Variants in PGM1 observed in about 807,000 individuals in gnomAD.
The protein encoded by PGM1 is phosphoglucomutase-1.
In PGM1, 52 loss-of-function variants were observed where a neutral mutation model predicts 55.6. The ratio of observed to expected loss-of-function variants is 0.94; its 90% CI spans 0.75 to 1.18. The LOEUF (loss-of-function observed/expected upper bound fraction) is 1.18. Ranked by LOEUF, PGM1 falls within the 50% of genes most tolerant of loss-of-function variation. PGM1 has a pLI of 0.00. For missense variants in PGM1, 724 were observed against 729.3 expected, an observed-to-expected ratio of 0.99 and a Z score of 0.08; for synonymous variants, 287 against 271.7, an observed-to-expected ratio of 1.06 and a Z score of -0.55.
intron 1 of PGM1, among the ~76,000 whole-genome samples, chr1:63,609,384 C>G (rs1054264695): frequency 1.3e-5 from 2 of 152,158 alleles, no homozygotes; most frequent in South Asian, 2.1e-4. Flanking sequence ...ACAAGCATTG[C>G]GGAACACTTT....
intron 3 of PGM1, 139 bp from the exon 4 acceptor site, chr1:63,631,518 C>T: frequency 1.3e-6 from 1 of 775,144 alleles, no homozygotes; most frequent in Non-Finnish European, 2.3e-6. Flanking sequence ...TATCACTTAA[C>T]AGCCGTATTA....
rs567025217 is a variant in PGM1 at position 63,639,527 on chromosome 1, T to G, written c.1144+727T>G. Among the ~76,000 whole-genome samples, 9 of 152,082 alleles carry G rather than the reference T, an allele frequency of 5.9e-5. 1 individual carries two copies. The East Asian group carries it at 1.8e-3, about 30-fold the overall frequency. On this transcript the variant is annotated intron_variant, in intron 7 of 10. Coordinates refer to ENST00000371084, the MANE Select transcript of PGM1 (RefSeq NM_002633.3). ...CTACCTCATGCTGCCTGTATCAGTC[T>G]CTCTTTCCTAAAAGTCTGTTCAGGT...
At chr1:63,604,959 G>GTGTGTGTGTT (rs58900430) in intron 1 of PGM1, among the ~76,000 whole-genome samples, 9,167 of 134,112 alleles carry the variant, frequency 0.068, 397 homozygotes, top group East Asian at 0.17. Flanking sequence ...GTGTGTGTGT[G>GTGTGTGTGTT]TAAAGAGAGG....
intron 1 of PGM1, among the ~76,000 whole-genome samples, chr1:63,600,508 C>G (rs747211577): frequency 5.0e-4 from 76 of 152,088 alleles, no homozygotes; most frequent in Non-Finnish European, 9.4e-4. Context: ...AGTTTCTGCT[C>G]TACAGAGCTG....
chr1:63,626,860 C>A (rs1365157235), intron 1 of PGM1, among the ~76,000 whole-genome samples: 1 of 152,066 alleles, frequency 6.6e-6, no homozygotes, highest in African/African-American at 2.4e-5. Flanking sequence ...GTCCATTGAA[C>A]AACTCCCCAT....
intron 10 of PGM1, among the ~76,000 whole-genome samples, chr1:63,658,645 G>A (rs1323127827): frequency 6.6e-6 from 1 of 151,802 alleles, no homozygotes; most frequent in African/African-American, 2.4e-5. Flanking sequence ...CCAGTCACTA[G>A]AGAGGCTGAG....
intron 1 of PGM1, among the ~76,000 whole-genome samples, chr1:63,614,740 AG>A (rs1022053431): frequency 2.6e-4 from 38 of 147,706 alleles, no homozygotes; most frequent in African/African-American, 1.0e-3. Context: ...GACCTCGGAC[AG>A]ATGACATAAT....
intron 1 of PGM1, among the ~76,000 whole-genome samples, chr1:63,603,183 A>C (rs1648290777): frequency 6.6e-6 from 1 of 152,238 alleles, no homozygotes; most frequent in South Asian, 2.1e-4. Flanking sequence ...TGCCACATGC[A>C]TGGCCTTATT....
chr1:63,633,928 ATATATTTTTT>A lies in PGM1; in HGVS notation c.683-899_683-890del, dbSNP rs1557433740. The stretch of plus-strand genomic sequence containing the variant: ...TGTGTGTGTGTGTGTGTATATATAT[ATATATTTTTT>A]TTTTTTTTTTTTTTTTTTTTTTTAG... On this transcript the variant is annotated intron_variant, in intron 4 of 10. Coordinates refer to ENST00000371084, the MANE Select transcript of PGM1 (RefSeq NM_002633.3). 1.1e-3 allele frequency among the ~76,000 whole-genome samples: 70 copies of A among 64,376 alleles called. 2 individuals are homozygous for A. Among genetic ancestry groups the A allele is most frequent in the Middle Eastern group, 0.011 (1 of 94 alleles). 42.2% of individuals were successfully genotyped at this position (64,376 alleles called of 152,430 possible). A position where few individuals can be genotyped will look rare whatever the true frequency, so the allele number is the denominator to read the frequency against.
chr1:63,618,356 GATAAAATTCTTCTC>G (rs913834577), intron 1 of PGM1, among the ~76,000 whole-genome samples: 36 of 152,208 alleles, frequency 2.4e-4, no homozygotes, highest in Non-Finnish European at 3.8e-4. Context: ...TTATAATTTT[GATAAAATTCTTCTC>G]ATAAAATTCT....
intron 1 of PGM1, among the ~76,000 whole-genome samples, chr1:63,616,753 T>A (rs1420317584): frequency 6.6e-6 from 1 of 152,242 alleles, no homozygotes; most frequent in Non-Finnish European, 1.5e-5. Context: ...GGAGTCTCTG[T>A]GAACATGGGA....
intron 1 of PGM1, among the ~76,000 whole-genome samples, chr1:63,625,535 T>C (rs966468666): frequency 6.6e-6 from 1 of 152,222 alleles, no homozygotes; most frequent in African/African-American, 2.4e-5. Context: ...AAATTCTGAC[T>C]GTTTTAACAT....
rs1260666610 is a variant in PGM1 at position 63,647,008 on chromosome 1, C to T, written c.1145-1509C>T. ...CTGTAATCCTAGCACTTTGGGAGGCCGAGGCGGATGGATCACCTGAGGTCA... is the reference window on the plus strand; with the variant it reads ...CTGTAATCCTAGCACTTTGGGAGGCTGAGGCGGATGGATCACCTGAGGTCA... On this transcript the variant is annotated intron_variant, in intron 7 of 10. Transcript: ENST00000371084. Among the ~76,000 whole-genome samples, 11 of 151,604 alleles carry T rather than the reference C, an allele frequency of 7.3e-5. No individual in the cohort carries two copies. In the East Asian group the frequency reaches 7.8e-4, roughly 11 times the overall value.
In PGM1 at chr1:63,594,263, C is replaced by T. The variant is rs766196666; in HGVS notation, c.246+529C>T. The T allele has an allele frequency of 1.9e-5, 7 of 377,760 alleles. 1 individual carries two copies. The highest frequency in any genetic ancestry group is 1.8e-5 in the Non-Finnish European group (5 of 277,128). 23.4% of individuals were successfully genotyped at this position (377,760 alleles called of 1,614,324 possible). A position where few individuals can be genotyped will look rare whatever the true frequency, so the allele number is the denominator to read the frequency against. On this transcript the variant is annotated intron_variant, in intron 1 of 10. Transcript: ENST00000371084. ...GCCCGACACTGTGGGGCAAGGGTGG[C>T]GAGAGCACCCATCCCCCTGGGGCGT...
At chr1:63,639,085 C>T (rs564293529) in intron 7 of PGM1, among the ~76,000 whole-genome samples, 6 of 152,128 alleles carry the variant, frequency 3.9e-5, no homozygotes, top group East Asian at 1.9e-4. Flanking sequence ...TTAAACAGAG[C>T]GATAAACAGA....
intron 3 of PGM1, among the ~76,000 whole-genome samples, chr1:63,630,840 A>G (rs562716813): frequency 6.6e-6 from 1 of 152,324 alleles, no homozygotes; most frequent in Admixed American, 6.5e-5. Context: ...ACTTTATGGA[A>G]TGCATTTTAT....
At chr1:63,630,451 A>T (rs1022350337) in intron 3 of PGM1, among the ~76,000 whole-genome samples, 2 of 152,200 alleles carry the variant, frequency 1.3e-5, no homozygotes, top group Non-Finnish European at 2.9e-5. Context: ...CTCACAGTAG[A>T]TCTGTCAGGG....
intron 6 of PGM1, 139 bp from the exon 7 acceptor site, chr1:63,638,546 A>G: frequency 1.4e-6 from 1 of 732,168 alleles, no homozygotes; most frequent in Non-Finnish European, 2.5e-6. Context: ...ATGATTTTCC[A>G]CCAATCTTAG....
chr1:63,613,345 G>T (rs1233794475), intron 1 of PGM1, among the ~76,000 whole-genome samples: 1 of 146,056 alleles, frequency 6.8e-6, no homozygotes, highest in East Asian at 2.0e-4. Context: ...TAAAACAATG[G>T]ATATTTATTC....
Sources: allele counts gnomAD v4.1 joint callset (sites outside exome capture counted in the v4.1 genomes callset), GRCh38; gene constraint gnomAD v4.1.1; transcripts MANE v1.5; gene names NCBI Gene and HGNC (gene_info 2026-07-23, HGNC 2026-07-21).